The following HERC5 variants were observed in gnomAD, a reference collection of about 807,000 sequenced individuals.
The protein encoded by HERC5 is E3 ISG15--protein ligase HERC5.
A neutral mutation model predicts 119.6 loss-of-function variants in HERC5; 99 were observed. The observed-to-expected ratio is 0.83, with a 90% CI of 0.70 to 0.98. The LOEUF is 0.98. Among genes scored for constraint, HERC5 ranks in the 50% least tolerant of loss-of-function variants. The pLI is 0.00. For synonymous variants in HERC5, 478 were observed against 445.9 expected (o/e 1.07, Z -0.91); for missense variants, 1,267 against 1,241.3 (o/e 1.02, Z -0.31).
chr4:88,504,160 T>G, intron 20 of HERC5, 72 bp from the exon 21 acceptor site: 1 of 975,604 alleles, frequency 1.0e-6, no homozygotes, highest in Non-Finnish European at 1.6e-6. Flanking sequence ...TATTCTAGCT[T>G]TTATTTTTAG....
chr4:88,470,583 T>C, intron 9 of HERC5, 31 bp from the exon 10 acceptor site: 1 of 1,179,874 alleles, frequency 8.5e-7, no homozygotes, highest in African/African-American at 1.5e-5. Flanking sequence ...CCATGTGATT[T>C]GGTTTAACCA....
At chr4:88,493,193 A>G in intron 17 of HERC5, 38 bp downstream of exon 17, 2 of 1,603,726 alleles carry the variant, frequency 1.2e-6, no homozygotes, top group Non-Finnish European at 1.7e-6. Context: ...ATTTTGCGAC[A>G]GAAAAAGTAC....
intron 18 of HERC5, among the ~76,000 whole-genome samples, chr4:88,497,214 T>G (rs1040239226): frequency 6.6e-6 from 1 of 152,154 alleles, no homozygotes; most frequent in African/African-American, 2.4e-5. Flanking sequence ...AGGTAATTAG[T>G]AAGTAGTGGA....
In HERC5 at chr4:88,504,418, A is replaced by T. The variant is rs368739655; in HGVS notation, c.2766+3A>T. The T allele has an allele frequency of 6.9e-6, 11 of 1,595,814 alleles. No homozygotes were observed. The highest frequency in any genetic ancestry group is 9.4e-6 in the Non-Finnish European group (11 of 1,167,904). ...ATGATTGGAAAACATTTGAAAAGGT[A>T]CATCATCAAGTCTAAGTTGATTAAA... On this transcript the variant is annotated splice_donor_region_variant and intron_variant, in intron 21 of 22. Coordinates refer to ENST00000264350, the MANE Select transcript of HERC5 (RefSeq NM_016323.4).
chr4:88,500,965 A>G lies in HERC5; in HGVS notation c.2562A>G (p.Ile854Met). The change falls in exon 20 of 23, where the codon ATA becomes ATG. Residue 854 changes from isoleucine to methionine, a missense_variant. Physicochemically the swap from Ile to Met is conservative, Grantham distance 10. Around this residue, in one of 3 missense-constraint regions of HERC5, gnomAD observed 473 missense variants for 445.7 expected, o/e 1.06. Coordinates refer to ENST00000264350, the MANE Select transcript of HERC5 (RefSeq NM_016323.4). ...ACTTAATTCCTAATGGAAGTAGCAT[A>G]ACTGTCAACCAGACTAACAAGTAGG... The part of the protein sequence containing the change: ...DTNLIPNGSS[I>M]TVNQTNKRDY... 6.2e-7 allele frequency: 1 copy of G among 1,611,740 alleles called. No homozygotes were observed.
chr4:88,457,807 T>G, intron 1 of HERC5: 1 of 755,558 alleles, frequency 1.3e-6, no homozygotes, highest in Admixed American at 4.5e-5. Context: ...GTCTTCATCC[T>G]TTTAGCCAGT....
intron 2 of HERC5, 35 bp from the exon 3 acceptor site, chr4:88,460,060 T>G: frequency 9.0e-7 from 1 of 1,112,744 alleles, no homozygotes; most frequent in Non-Finnish European, 1.4e-6. Flanking sequence ...ACTTTCATTA[T>G]GGTGATTAAC....
At chr4:88,490,290 T>A (rs991837263) in intron 16 of HERC5, among the ~76,000 whole-genome samples, 5 of 152,228 alleles carry the variant, frequency 3.3e-5, no homozygotes, top group African/African-American at 1.2e-4. Flanking sequence ...TGGCAGATTC[T>A]GTTTTTCCCT....
chr4:88,462,323 G>C lies in HERC5; in HGVS notation c.655G>C (p.Glu219Gln). The change falls in exon 4 of 23, where the codon GAA becomes CAA. Residue 219 changes from glutamate (E) to glutamine (Q), a missense_variant. Around this residue, in one of 3 missense-constraint regions of HERC5, gnomAD observed 777 missense variants for 758.0 expected, o/e 1.03. Transcript: ENST00000264350. ...CAACATTTATTCATGGGGAAAAAAT[G>C]AATGTGGACAACTAGGCCTGGGCCA... ...SGNIYSWGKN[E>Q]CGQLGLGHTE... 6.2e-7 allele frequency: 1 copy of C among 1,614,202 alleles called. No individual in the cohort carries two copies. The highest frequency in any genetic ancestry group is 8.5e-7 in the Non-Finnish European group (1 of 1,180,034).
chr4:88,460,825 C>CA (rs957674788), intron 3 of HERC5, among the ~76,000 whole-genome samples: 1 of 151,898 alleles, frequency 6.6e-6, no homozygotes, highest in Non-Finnish European at 1.5e-5. Context: ...TTCATCTTTA[C>CA]AAAAAAACTT....
intron 12 of HERC5, among the ~76,000 whole-genome samples, chr4:88,477,537 A>G (rs1342261797): frequency 1.0e-4 from 7 of 67,216 alleles, no homozygotes; most frequent in South Asian, 1.7e-3. Flanking sequence ...GGGGGAGGGG[A>G]AGGGGAAGTG....
chr4:88,463,514 A>AT lies in HERC5; in HGVS notation c.689-11dup. 2 of 1,575,266 alleles carry AT rather than the reference A, an allele frequency of 1.3e-6. No homozygotes were observed. The highest frequency in any genetic ancestry group is 1.1e-5 in the South Asian group (1 of 90,052). On this transcript the variant is annotated splice_polypyrimidine_tract_variant and intron_variant, in intron 4 of 22. Coordinates refer to ENST00000264350, the MANE Select transcript of HERC5 (RefSeq NM_016323.4). ...GCATTTCCTTTTGGTCACTTCAGCT[A>AT]TTTTTTTCCTTACATAGGTAAAGAT...
rs58490237 is a variant in HERC5 at position 88,505,919 on chromosome 4, CGTTGTTGTT to C, written c.*60_*68del. 117 of 1,430,990 alleles carry C rather than the reference CGTTGTTGTT, an allele frequency of 8.2e-5. No individual in the cohort carries two copies. The highest frequency in any genetic ancestry group is 3.3e-4 in the Admixed American group (17 of 52,118). The allele number at this position is 1,430,990 out of a possible 1,614,324, so 88.6% of individuals were successfully genotyped here. ...AACAGCCTTATTTTGTTGTTGTTAT[CGTTGTTGTT>C]GTTGTTGTTGTTGTTGTTTCTCTAC... On this transcript the variant is annotated 3_prime_UTR_variant, in exon 23 of 23. Coordinates refer to ENST00000264350, the MANE Select transcript of HERC5 (RefSeq NM_016323.4).
intron 18 of HERC5, among the ~76,000 whole-genome samples, chr4:88,499,629 G>C (rs541004788): frequency 3.3e-5 from 5 of 152,186 alleles, no homozygotes; most frequent in African/African-American, 9.7e-5. Context: ...ATCAGTGAAC[G>C]TTAGAATCCT....
Position 88,457,379 on chromosome 4 carries a change from C to A in HERC5, c.110C>A (p.Pro37His). 1 of 1,417,912 alleles carries A rather than the reference C, an allele frequency of 7.1e-7. No individual in the cohort carries two copies. The highest frequency in any genetic ancestry group is 9.2e-7 in the Non-Finnish European group (1 of 1,086,896). 87.8% of individuals were successfully genotyped at this position (1,417,912 alleles called of 1,614,324 possible). A position where few individuals can be genotyped will look rare whatever the true frequency, so the allele number is the denominator to read the frequency against. ...CCGGGCGCACAGCTCTGGCTCTTTC[C>A]CAGCGCCGCGGGCCTCCACCGCGCG... Reference protein sequence around the residue: ...KSPGAQLWLFPSAAGLHRALL... With the variant: ...KSPGAQLWLFHSAAGLHRALL... The change falls in exon 1 of 23, where the codon CCC becomes CAC. Residue 37 changes from proline (P) to histidine (H), a missense_variant. Transcript: ENST00000264350.
intron 16 of HERC5, among the ~76,000 whole-genome samples, chr4:88,490,008 C>CA (rs796904226): frequency 2.2e-4 from 33 of 150,918 alleles, no homozygotes; most frequent in African/African-American, 6.1e-4. Context: ...GACTCTGTCT[C>CA]AAAAAAAACA....
Position 88,494,303 on chromosome 4 carries a change from T to G in HERC5, c.2416T>G (p.Leu806Val). 1 of 1,613,432 alleles carries G rather than the reference T, an allele frequency of 6.2e-7. No individual in the cohort carries two copies. The highest frequency in any genetic ancestry group is 8.5e-7 in the Non-Finnish European group (1 of 1,179,792). ...GGACCAAATGCCATCATTGGAAGAC[T>G]TGAAAGAACTCAGTCCTGATTTGGG... ...LLDQMPSLED[L>V]KELSPDLGKN... Residue 806 changes from leucine (L) to valine (V), a missense_variant, in exon 18 of 23, where the codon TTG (leucine) becomes GTG (valine). Coordinates refer to ENST00000264350, the MANE Select transcript of HERC5 (RefSeq NM_016323.4).
chr4:88,459,784 C>T (rs994403967), intron 2 of HERC5, among the ~76,000 whole-genome samples: 4 of 152,136 alleles, frequency 2.6e-5, no homozygotes, highest in Non-Finnish European at 5.9e-5. Flanking sequence ...AGAAAAAATA[C>T]ACATTATCAT....
At chr4:88,499,880 G>T in intron 18 of HERC5, 46 bp from the exon 19 acceptor site, 2 of 1,315,828 alleles carry the variant, frequency 1.5e-6, no homozygotes, top group South Asian at 2.4e-5. Flanking sequence ...TGTGTCTAGT[G>T]ATCATGGTTA....
Sources: gnomAD v4.1 joint callset for allele counts (sites outside exome capture counted in the v4.1 genomes callset) on GRCh38, gnomAD v4.1.1 for gene constraint, gnomAD v4.1.1 regional missense constraint, MANE v1.5 for transcripts, NCBI Gene and HGNC (gene_info 2026-07-23, HGNC 2026-07-21) for gene names.